TRPM7: variants seen among roughly 807,000 people sequenced by gnomAD.
The protein encoded by TRPM7 is LTRPC ion channel family member 7.
Under a neutral mutation model 229.7 loss-of-function variants are expected in TRPM7, and 134 were observed. The ratio of observed to expected loss-of-function variants is 0.58; its 90% CI spans 0.51 to 0.67. The LOEUF (loss-of-function observed/expected upper bound fraction) is 0.67. TRPM7 is among the 30% of genes least tolerant of loss of function. The pLI, the probability that TRPM7 is intolerant of heterozygous loss-of-function variation, is 0.00. For missense variants in TRPM7, 1,901 were observed against 2,210.0 expected, an observed-to-expected ratio of 0.86 and a Z score of 2.80; for synonymous variants, 699 against 715.2, an observed-to-expected ratio of 0.98 and a Z score of 0.36.
intron 22 of TRPM7, among the ~76,000 whole-genome samples, chr15:50,597,636 C>CT (rs1294642713): frequency 6.6e-6 from 1 of 152,116 alleles, no homozygotes; most frequent in Non-Finnish European, 1.5e-5. Context: ...GACAGCCAGG[C>CT]GTGATGGCTC....
At chr15:50,674,946 A>G (rs1243750515) in intron 1 of TRPM7, among the ~76,000 whole-genome samples, 1 of 152,200 alleles carries the variant, frequency 6.6e-6, no homozygotes, top group Non-Finnish European at 1.5e-5. Flanking sequence ...AAACTTTAGC[A>G]AACAATTTGC....
At chr15:50,685,803 T>C (rs993408805) in intron 1 of TRPM7, among the ~76,000 whole-genome samples, 1 of 152,134 alleles carries the variant, frequency 6.6e-6, no homozygotes, top group African/African-American at 2.4e-5. Context: ...TCCGCACCTT[T>C]CGGTTTAAAA....
chr15:50,635,774 C>T (rs117073704), intron 7 of TRPM7, among the ~76,000 whole-genome samples: 2,590 of 149,982 alleles, frequency 0.017, 44 homozygotes, highest in Non-Finnish European at 0.026. Context: ...GTCAGGAGAT[C>T]AAAAGCAGCC....
At chr15:50,625,114 T>G (rs781778460) in intron 11 of TRPM7, among the ~76,000 whole-genome samples, 84 of 152,212 alleles carry the variant, frequency 5.5e-4, no homozygotes, top group Non-Finnish European at 2.4e-4. Context: ...ACATGAAATA[T>G]AGGTATTTCA....
At chr15:50,582,748 T>C (rs761432356) in intron 29 of TRPM7, among the ~76,000 whole-genome samples, 6 of 152,254 alleles carry the variant, frequency 3.9e-5, no homozygotes, top group Non-Finnish European at 8.8e-5. Flanking sequence ...GAGTAATTTT[T>C]CTGCCTTTTC....
At chr15:50,661,737 G>C (rs2061729425) in intron 2 of TRPM7, among the ~76,000 whole-genome samples, 1 of 152,102 alleles carries the variant, frequency 6.6e-6, no homozygotes, top group African/African-American at 2.4e-5. Context: ...TTGCAGAGAA[G>C]GTAAATGGGT....
Position 50,637,598 on chromosome 15 carries a change from A to T in TRPM7, c.661-5T>A. On this transcript the variant is annotated splice_region_variant and splice_polypyrimidine_tract_variant and intron_variant, in intron 6 of 38. Coordinates refer to ENST00000646667, the MANE Select transcript of TRPM7 (RefSeq NM_017672.6). ...GGTTTGATAAGGAGCAACCACCTAA[A>T]CAATAGCAAACAAAAGAGTTAGTGA... 1 of 1,608,372 alleles carries T rather than the reference A, an allele frequency of 6.2e-7. No individual in the cohort carries two copies. Among genetic ancestry groups the T allele is most frequent in the Non-Finnish European group, 8.5e-7 (1 of 1,177,904 alleles).
chr15:50,619,901 G>A (rs2060341639), intron 12 of TRPM7, 103 bp from the exon 13 acceptor site: 1 of 995,994 alleles, frequency 1.0e-6, no homozygotes, highest in South Asian at 1.7e-5. Context: ...CATTGTTTTG[G>A]AGTTATTTCC....
intron 4 of TRPM7, among the ~76,000 whole-genome samples, chr15:50,645,361 G>T (rs1285996768): frequency 6.6e-6 from 1 of 150,732 alleles, no homozygotes; most frequent in Non-Finnish European, 1.5e-5. Flanking sequence ...TTGTAAATAG[G>T]ATTTGTTCTT....
chr15:50,659,435 C>T (rs953543354), intron 2 of TRPM7, among the ~76,000 whole-genome samples: 8 of 152,028 alleles, frequency 5.3e-5, no homozygotes, highest in Admixed American at 3.3e-4. Context: ...GCATTTGGTA[C>T]CTTTTAAGTT....
intron 21 of TRPM7, chr15:50,599,555 C>G (rs1195266967): frequency 3.4e-6 from 1 of 295,624 alleles, no homozygotes; most frequent in East Asian, 5.7e-5. Context: ...AATTGTATCA[C>G]TGGTTCAAAC....
intron 1 of TRPM7, among the ~76,000 whole-genome samples, chr15:50,675,469 C>A (rs1352642892): frequency 6.6e-6 from 1 of 152,180 alleles, no homozygotes; most frequent in Non-Finnish European, 1.5e-5. Context: ...TCTTCCCACA[C>A]GTAGCATTCT....
At chr15:50,672,360 C>G (rs921997622) in intron 1 of TRPM7, among the ~76,000 whole-genome samples, 1 of 151,730 alleles carries the variant, frequency 6.6e-6, no homozygotes, top group East Asian at 1.9e-4. Flanking sequence ...CCGGCCACTC[C>G]TACCTATTTT....
intron 1 of TRPM7, among the ~76,000 whole-genome samples, chr15:50,684,544 G>A (rs898029333): frequency 6.6e-6 from 1 of 152,042 alleles, no homozygotes; most frequent in Non-Finnish European, 1.5e-5. Context: ...GGGAGGCTGA[G>A]GCAGGAGAAT....
rs1258350231 is a variant in TRPM7, at chr15:50,648,709, C to A, written c.299G>T (p.Gly100Val). ...TACCTTAGCTCTGTAGGAATGAGAA[C>A]CCCCTTGAAAATTTATGACTCCATA... Reference protein sequence around the residue: ...DAYGVINFQGGSHSYRAKYVR... With the variant: ...DAYGVINFQGVSHSYRAKYVR... Residue 100 changes from glycine (G) to valine (V), a missense_variant, in exon 4 of 39, where the codon GGT becomes GTT. Physicochemically the swap from Gly to Val is moderately radical, Grantham distance 109. This residue lies in a region of TRPM7 where 794 missense variants were observed against 881.9 expected (regional missense o/e 0.90). Transcript: ENST00000646667. 3.1e-6 allele frequency: 5 copies of A among 1,606,918 alleles called. No homozygotes were observed. The highest frequency in any genetic ancestry group is 1.7e-5 in the Admixed American group (1 of 59,128).
At chr15:50,575,669 A>C in intron 33 of TRPM7, 55 bp downstream of exon 33, 2 of 1,472,518 alleles carry the variant, frequency 1.4e-6, no homozygotes, top group Non-Finnish European at 1.9e-6. Context: ...ATTATAGCTA[A>C]AAATCATTAA....
At chr15:50,614,539 C>T (rs898597449) in intron 13 of TRPM7, among the ~76,000 whole-genome samples, 9 of 152,016 alleles carry the variant, frequency 5.9e-5, no homozygotes, top group African/African-American at 1.9e-4. Context: ...CTAGTAGATG[C>T]CTGTAGTCCC....
intron 13 of TRPM7, among the ~76,000 whole-genome samples, chr15:50,617,127 CAAAAAAAT>C (rs1329989896): frequency 3.7e-4 from 50 of 135,384 alleles, no homozygotes; most frequent in African/African-American, 1.2e-3. Flanking sequence ...CCATCTCTAC[CAAAAAAAT>C]AAATAAATAA....
rs73395550 is a variant in TRPM7, at chr15:50,600,674, C to G, written c.2989-1378G>C. ...TTTTAAAATGAATATACAGTGACAG[C>G]AGAAATGGAAAGTAAGATGTGAAAG... On this transcript the variant is annotated intron_variant, in intron 21 of 38. Coordinates refer to ENST00000646667, the MANE Select transcript of TRPM7 (RefSeq NM_017672.6). Among the ~76,000 whole-genome samples the G allele has an allele frequency of 1.5e-3, 230 of 151,972 alleles. 2 individuals carry two copies. The highest frequency in any genetic ancestry group is 5.2e-3 in the African/African-American group (215 of 41,422).
Sources: gnomAD v4.1 joint callset for allele counts (sites outside exome capture counted in the v4.1 genomes callset) on GRCh38, gnomAD v4.1.1 for gene constraint, gnomAD v4.1.1 regional missense constraint, MANE v1.5 for transcripts, NCBI Gene and HGNC (gene_info 2026-07-23, HGNC 2026-07-21) for gene names.